The following CLEC14A variants were observed in gnomAD, a reference collection of about 807,000 sequenced individuals.
The protein encoded by CLEC14A is C-type lectin domain family 14 member A.
For missense variants in CLEC14A, 682 were observed against 659.9 expected (o/e 1.03, Z -0.37); for synonymous variants, 349 against 292.0 (o/e 1.20, Z -1.99).
rs1288069252 is a variant in CLEC14A at position 38,254,304 on chromosome 14, A to G, written c.*246T>C. 2.6e-6 allele frequency: 1 copy of G among 388,670 alleles called. No individual in the cohort carries two copies. Among genetic ancestry groups the G allele is most frequent in the Non-Finnish European group, 4.6e-6 (1 of 219,090 alleles). The allele number at this position is 388,670 out of a possible 1,614,324, so 24.1% of individuals were successfully genotyped here. On this transcript the variant is annotated 3_prime_UTR_variant, in exon 1 of 1. Coordinates refer to ENST00000342213, the MANE Select transcript of CLEC14A (RefSeq NM_175060.3). ...ACTTCTCCAAATTCTCCGAATAAAC[A>G]TAAGAAAATATCTCTCCCCAGCACT...
chr14:38,255,714 G>T lies in CLEC14A; in HGVS notation c.309C>A (p.Cys103Ter), dbSNP rs766495110. Reference sequence around the variant, plus strand: ...CCCGCAAAGGCTCGTTCTCCAGGGTGCAGTGGGAACGCCTGCGCTCCAGTG... The same window carrying T: ...CCCGCAAAGGCTCGTTCTCCAGGGTTCAGTGGGAACGCCTGCGCTCCAGTG... ...WVALERRRSH[C>*]TLENEPLRGF... The change falls in exon 1 of 1, where the codon TGC (cysteine) becomes TGA (stop). Residue 103 changes from cysteine (C) to a stop codon, truncating the protein, a stop_gained. Transcript: ENST00000342213. LOFTEE classifies it low-confidence loss of function (END_TRUNC). The surrounding 1 kb of genome is among the most constrained non-coding windows in gnomAD (Gnocchi z 5.1). 3 of 1,568,738 alleles carry T rather than the reference G, an allele frequency of 1.9e-6. No homozygotes were observed. The highest frequency in any genetic ancestry group is 2.6e-6 in the Non-Finnish European group (3 of 1,160,256).
At position 38,255,220 on chromosome 14, in the gene CLEC14A, C is replaced by T; in HGVS notation, c.803G>A (p.Gly268Asp). The change falls in exon 1 of 1, where the codon GGC (glycine) becomes GAC (aspartate). Residue 268 changes from glycine to aspartate, a missense_variant. Gly to Asp is a moderately conservative substitution (Grantham distance 94). Coordinates refer to ENST00000342213, the MANE Select transcript of CLEC14A (RefSeq NM_175060.3). The surrounding 1 kb of genome is among the most constrained non-coding windows in gnomAD (Gnocchi z 5.1). Reference protein sequence around the residue: ...ELPNCLDDLGGFACECATGFE... With the variant: ...ELPNCLDDLGDFACECATGFE... ...GCCCGTAGCACATTCGCAGGCAAAG[C>T]CTCCCAAGTCGTCTAGGCAGTTAGG... The T allele has an allele frequency of 6.2e-7, 1 of 1,613,884 alleles. No individual in the cohort carries two copies. The highest frequency in any genetic ancestry group is 8.5e-7 in the Non-Finnish European group (1 of 1,180,042).
chr14:38,256,038 A>T lies in CLEC14A; in HGVS notation c.-16T>A. On this transcript the variant is annotated 5_prime_UTR_variant, in exon 1 of 1. Transcript: ENST00000342213. ...CCGGCCTCATTCTCTGAGGCCCCGC[A>T]CGCAGAGCTGCTCCCAACTTGGATC... 1 of 1,504,614 alleles carries T rather than the reference A, an allele frequency of 6.6e-7. No homozygotes were observed. Among genetic ancestry groups the T allele is most frequent in the Non-Finnish European group, 8.9e-7 (1 of 1,127,724 alleles). 93.2% of individuals were successfully genotyped at this position (1,504,614 alleles called of 1,614,324 possible).
In CLEC14A at chr14:38,254,632, A is replaced by G. The variant is rs762358682; in HGVS notation, c.1391T>C (p.Val464Ala). 34 of 1,613,984 alleles carry G rather than the reference A, an allele frequency of 2.1e-5. No homozygotes were observed. The highest frequency in any genetic ancestry group is 2.7e-5 in the Non-Finnish European group (32 of 1,179,988). The change falls in exon 1 of 1, where the codon GTG becomes GCG. Residue 464 changes from valine (V) to alanine (A), a missense_variant. By Grantham distance (64) the Val-to-Ala change is moderately conservative (BLOSUM62 0). Coordinates refer to ENST00000342213, the MANE Select transcript of CLEC14A (RefSeq NM_175060.3). ...SSSAHCTNNG[V>A]KVGDCDLRDR... ...CCGCAGATCACAGTCCCCGACTTTCACCCCATTGTTTGTGCAATGTGCAGA... is the reference window on the plus strand; with the variant it reads ...CCGCAGATCACAGTCCCCGACTTTCGCCCCATTGTTTGTGCAATGTGCAGA...
chr14:38,255,777 C>T lies in CLEC14A; in HGVS notation c.246G>A (p.Gly82=). 1 of 1,544,206 alleles carries T rather than the reference C, an allele frequency of 6.5e-7. No individual in the cohort carries two copies. Among genetic ancestry groups the T allele is most frequent in the Non-Finnish European group, 8.7e-7 (1 of 1,148,758 alleles). ...AVLALLRAGP[G]PGGGSKDLLF... is the part of the protein sequence containing the mutation. ...GCAGGTCTTTGGAGCCCCCTCCGGG[C>T]CCTGGGCCTGCCCGCAGGAGCGCGA... Residue 82 remains glycine, a synonymous_variant, in exon 1 of 1, where the codon GGG becomes GGA. Transcript: ENST00000342213. This position sits in a 1 kb window ranked among gnomAD's most constrained non-coding sequence, Gnocchi z 5.1.
rs532618414 is a variant in CLEC14A at position 38,255,794 on chromosome 14, G to A, written c.229C>T (p.Leu77=). The A allele has an allele frequency of 1.0e-3, 1,618 of 1,541,896 alleles. 11 individuals are homozygous for A. Among genetic ancestry groups the A allele is most frequent in the East Asian group, 4.4e-3 (183 of 41,174 alleles). Reference sequence around the variant, plus strand: ...CCTCCGGGCCCTGGGCCTGCCCGCAGGAGCGCGAGCACAGCGCGCAGCTCG... The same window carrying A: ...CCTCCGGGCCCTGGGCCTGCCCGCAAGAGCGCGAGCACAGCGCGCAGCTCG... ...GAELRAVLAL[L]RAGPGPGGGS... The change falls in exon 1 of 1, where the codon CTG becomes TTG. Residue 77 remains leucine (L), a synonymous_variant. Coordinates refer to ENST00000342213, the MANE Select transcript of CLEC14A (RefSeq NM_175060.3). The surrounding 1 kb of genome is among the most constrained non-coding windows in gnomAD (Gnocchi z 5.1).
chr14:38,255,339 C>A lies in CLEC14A; in HGVS notation c.684G>T (p.Ala228=). 6.2e-7 allele frequency: 1 copy of A among 1,613,634 alleles called. No individual in the cohort carries two copies. ...TGTCCCAGCGAGCGCCGATTTCGTC[C>A]GCGATGCAAGTAACTGAGATCGGGA... is the stretch of plus-strand genomic sequence containing the variant. ...GQLPISVTCI[A]DEIGARWDKL... is the part of the protein sequence containing the mutation. The change falls in exon 1 of 1, where the codon GCG becomes GCT. Residue 228 remains alanine (A), a synonymous_variant. Transcript: ENST00000342213. The surrounding 1 kb of genome is among the most constrained non-coding windows in gnomAD (Gnocchi z 5.1).
rs767000134 is a variant in CLEC14A at position 38,255,096 on chromosome 14, A to C, written c.927T>G (p.Thr309=). Residue 309 remains threonine (T), a synonymous_variant, in exon 1 of 1, where the codon ACT becomes ACG. Transcript: ENST00000342213. The surrounding 1 kb of genome is among the most constrained non-coding windows in gnomAD (Gnocchi z 5.1). ...TGVPTRRPPA[T]ATSPVPQRTW... ...TTCTCTGCGGCACGGGGCTGGTTGC[A>C]GTGGCCGGCGGGCGCCTGGTGGGCA... 1 of 1,612,608 alleles carries C rather than the reference A, an allele frequency of 6.2e-7. No individual in the cohort carries two copies. Among genetic ancestry groups the C allele is most frequent in the Non-Finnish European group, 8.5e-7 (1 of 1,179,986 alleles).
Position 38,255,194 on chromosome 14 carries a change from A to C in CLEC14A, c.829T>G (p.Phe277Val), listed in dbSNP as rs1265314016. The change falls in exon 1 of 1, where the codon TTC (phenylalanine) becomes GTC (valine). Residue 277 changes from phenylalanine to valine, a missense_variant. Coordinates refer to ENST00000342213, the MANE Select transcript of CLEC14A (RefSeq NM_175060.3). The surrounding 1 kb of genome is among the most constrained non-coding windows in gnomAD (Gnocchi z 5.1). ...GAGCGGCCGTCCTTCCCCAGCTCGA[A>C]GCCCGTAGCACATTCGCAGGCAAAG... ...GGFACECATG[F>V]ELGKDGRSCV... The C allele has an allele frequency of 6.2e-7, 1 of 1,613,796 alleles. No homozygotes were observed.
At position 38,256,060 on chromosome 14, in the gene CLEC14A, G is replaced by A. The variant is rs1170467995; in HGVS notation, c.-38C>T. ...CGCACGCAGAGCTGCTCCCAACTTG[G>A]ATCTGTCCCGCTCGAGGACGCAGAG... On this transcript the variant is annotated 5_prime_UTR_variant, in exon 1 of 1. Transcript: ENST00000342213. 4.1e-6 allele frequency: 6 copies of A among 1,475,726 alleles called. 1 individual carries two copies. The South Asian group carries it at 6.8e-5, about 17-fold the overall frequency. The allele number at this position is 1,475,726 out of a possible 1,614,324, so 91.4% of individuals were successfully genotyped here.
In CLEC14A at chr14:38,255,382, G is replaced by A. The variant is rs779896874; in HGVS notation, c.641C>T (p.Ala214Val). ...DFSPPGTEVSALCRGQLPISV... is the reference protein window; with the variant it reads ...DFSPPGTEVSVLCRGQLPISV... Reference sequence around the variant, plus strand: ...GATCGGGAGCTGTCCCCGGCAGAGCGCACTCACCTCGGTCCCAGGTGGACT... The same window carrying A: ...GATCGGGAGCTGTCCCCGGCAGAGCACACTCACCTCGGTCCCAGGTGGACT... Residue 214 changes from alanine (A) to valine (V), a missense_variant, in exon 1 of 1, where the codon GCG becomes GTG. Ala to Val is a moderately conservative substitution (Grantham distance 64). Coordinates refer to ENST00000342213, the MANE Select transcript of CLEC14A (RefSeq NM_175060.3). This position sits in a 1 kb window ranked among gnomAD's most constrained non-coding sequence, Gnocchi z 5.1. 2.5e-6 allele frequency: 4 copies of A among 1,613,490 alleles called. No homozygotes were observed. The highest frequency in any genetic ancestry group is 3.3e-5 in the Admixed American group (2 of 60,026).
In CLEC14A at chr14:38,255,881, G is replaced by A; in HGVS notation, c.142C>T (p.Gln48Ter). 2 of 1,563,420 alleles carry A rather than the reference G, an allele frequency of 1.3e-6. No individual in the cohort carries two copies. The highest frequency in any genetic ancestry group is 1.7e-6 in the Non-Finnish European group (2 of 1,161,980). ...YSLHHATMKR[Q>*]AAEEACILRG... Reference sequence around the variant, plus strand: ...AGGATGCAGGCCTCCTCGGCCGCCTGCCGCTTCATGGTAGCGTGGTGCAGG... The same window carrying A: ...AGGATGCAGGCCTCCTCGGCCGCCTACCGCTTCATGGTAGCGTGGTGCAGG... Residue 48 changes from glutamine to a stop codon, truncating the protein, a stop_gained, in exon 1 of 1, where the codon CAG becomes TAG. Transcript: ENST00000342213. LOFTEE classifies it low-confidence loss of function (END_TRUNC). This position sits in a 1 kb window ranked among gnomAD's most constrained non-coding sequence, Gnocchi z 5.1.
chr14:38,255,823 C>T lies in CLEC14A; in HGVS notation c.200G>A (p.Gly67Asp), dbSNP rs769756571. The T allele has an allele frequency of 3.6e-5, 55 of 1,540,352 alleles. No homozygotes were observed. The highest frequency in any genetic ancestry group is 4.1e-5 in the African/African-American group (3 of 73,230). ...CGCGAGCACAGCGCGCAGCTCGGCG[C>T]CCGCACGCACGGTGCTGAGCGCCCC... ...RGGALSTVRA[G>D]AELRAVLALL... The change falls in exon 1 of 1, where the codon GGC (glycine) becomes GAC (aspartate). Residue 67 changes from glycine to aspartate, a missense_variant. Transcript: ENST00000342213. The surrounding 1 kb of genome is among the most constrained non-coding windows in gnomAD (Gnocchi z 5.1).
At position 38,254,851 on chromosome 14, in the gene CLEC14A, G is replaced by A. The variant is rs1453695073; in HGVS notation, c.1172C>T (p.Ala391Val). ...GACCACGGCAGAGGAGGAGTCGAAA[G>A]CCTGAGGAGTGGCAGAGGAAGTCGT... is the stretch of plus-strand genomic sequence containing the variant. ...NSTTSSATPQ[A>V]FDSSSAVVFI... Residue 391 changes from alanine to valine, a missense_variant, in exon 1 of 1, where the codon GCT becomes GTT. Coordinates refer to ENST00000342213, the MANE Select transcript of CLEC14A (RefSeq NM_175060.3). 1 of 1,614,038 alleles carries A rather than the reference G, an allele frequency of 6.2e-7. No individual in the cohort carries two copies. Among genetic ancestry groups the A allele is most frequent in the South Asian group, 1.1e-5 (1 of 91,082 alleles).
In CLEC14A at chr14:38,255,933, G is replaced by C. The variant is rs1160364669; in HGVS notation, c.90C>G (p.Gly30=). The C allele has an allele frequency of 1.3e-6, 2 of 1,565,690 alleles. No individual in the cohort carries two copies. Among genetic ancestry groups the C allele is most frequent in the Non-Finnish European group, 1.7e-6 (2 of 1,159,774 alleles). The change falls in exon 1 of 1, where the codon GGC becomes GGG. Residue 30 remains glycine, a synonymous_variant. Coordinates refer to ENST00000342213, the MANE Select transcript of CLEC14A (RefSeq NM_175060.3). The surrounding 1 kb of genome is among the most constrained non-coding windows in gnomAD (Gnocchi z 5.1). ...GGEHPTADRA[G]CSASGACYSL... ...TGTAGCAGGCCCCCGAGGCCGAGCA[G>C]CCAGCACGGTCGGCAGTGGGGTGTT...
At position 38,255,269 on chromosome 14, in the gene CLEC14A, G is replaced by A; in HGVS notation, c.754C>T (p.Arg252Cys). Residue 252 changes from arginine (R) to cysteine (C), a missense_variant, in exon 1 of 1, where the codon CGT (arginine) becomes TGT (cysteine). Physicochemically the swap from Arg to Cys is radical, Grantham distance 180. Transcript: ENST00000342213. This position sits in a 1 kb window ranked among gnomAD's most constrained non-coding sequence, Gnocchi z 5.1. ...VLCPCPGRYL[R>C]AGKCAELPNC... ...GGGAGCTCTGCGCATTTGCCAGCAC[G>A]GAGGTACCTCCCGGGGCAGGGACAC... is the stretch of plus-strand genomic sequence containing the variant. The A allele has an allele frequency of 1.2e-6, 2 of 1,613,852 alleles. No individual in the cohort carries two copies. Among genetic ancestry groups the A allele is most frequent in the South Asian group, 1.1e-5 (1 of 91,086 alleles).
rs745784338 is a variant in CLEC14A at position 38,255,129 on chromosome 14, C to A, written c.894G>T (p.Gly298=). 71 of 1,612,602 alleles carry A rather than the reference C, an allele frequency of 4.4e-5. No individual in the cohort carries two copies. The South Asian group carries it at 7.4e-4, about 17-fold the overall frequency. The change falls in exon 1 of 1, where the codon GGG becomes GGT. Residue 298 remains glycine, a synonymous_variant. Transcript: ENST00000342213. The surrounding 1 kb of genome is among the most constrained non-coding windows in gnomAD (Gnocchi z 5.1). ...TSGEGQPTLG[G]TGVPTRRPPA... is the part of the protein sequence containing the mutation. ...GCGGGCGCCTGGTGGGCACCCCGGT[C>A]CCCCCAAGGGTCGGCTGTCCTTCCC...
rs1213215035 is a variant in CLEC14A at position 38,254,711 on chromosome 14, T to C, written c.1312A>G (p.Met438Val). Reference sequence around the variant, plus strand: ...TCACTCTCCAGGCCCGGCGGGCCCATAGACTCCTTCCTTGGCTGGGAAGAG... The same window carrying C: ...TCACTCTCCAGGCCCGGCGGGCCCACAGACTCCTTCCTTGGCTGGGAAGAG... ...SPSSQPRKES[M>V]GPPGLESDPE... Residue 438 changes from methionine (M) to valine (V), a missense_variant, in exon 1 of 1, where the codon ATG (methionine) becomes GTG (valine). By Grantham distance (21) the Met-to-Val change is conservative (BLOSUM62 1). Coordinates refer to ENST00000342213, the MANE Select transcript of CLEC14A (RefSeq NM_175060.3). The C allele has an allele frequency of 2.5e-6, 4 of 1,614,102 alleles. No individual in the cohort carries two copies. Among genetic ancestry groups the C allele is most frequent in the East Asian group, 2.2e-5 (1 of 44,864 alleles).
At position 38,254,865 on chromosome 14, in the gene CLEC14A, A is replaced by G. The variant is rs1884009338; in HGVS notation, c.1158T>C (p.Ser386=). 1 of 1,613,848 alleles carries G rather than the reference A, an allele frequency of 6.2e-7. No individual in the cohort carries two copies. The highest frequency in any genetic ancestry group is 2.2e-5 in the East Asian group (1 of 44,860). Residue 386 remains serine (S), a synonymous_variant, in exon 1 of 1, where the codon TCT becomes TCC. Transcript: ENST00000342213. The part of the protein sequence containing the change: ...VISKFNSTTS[S]ATPQAFDSSS... Reference sequence around the variant, plus strand: ...AGGAGTCGAAAGCCTGAGGAGTGGCAGAGGAAGTCGTAGAATTAAACTTGG... The same window carrying G: ...AGGAGTCGAAAGCCTGAGGAGTGGCGGAGGAAGTCGTAGAATTAAACTTGG...
Sources: gnomAD v4.1 joint callset for allele counts on GRCh38, gnomAD v4.1.1 for gene constraint, Gnocchi (gnomAD v3.1) non-coding constraint, MANE v1.5 for transcripts, NCBI Gene and HGNC (gene_info 2026-07-23, HGNC 2026-07-21) for gene names.